NMI: variants seen among roughly 807,000 people sequenced by gnomAD.
NMI encodes the protein N-myc and STAT interactor, also known as N-myc-interactor.
NMI carries 39 observed loss-of-function variants against 34.3 expected under a neutral mutation model. That is an observed-to-expected ratio of 1.14 (90% CI 0.88 to 1.49). NMI has a LOEUF of 1.49. Among genes scored for constraint, NMI ranks in the 40% most tolerant of loss-of-function variants. The pLI is 0.00. For synonymous variants in NMI, 113 were observed against 120.3 expected, an observed-to-expected ratio of 0.94 and a Z score of 0.40; for missense variants, 339 against 358.1, an observed-to-expected ratio of 0.95 and a Z score of 0.43.
chr2:151,276,613 T>G (rs1365190872), intron 4 of NMI, among the ~76,000 whole-genome samples: 1 of 152,194 alleles, frequency 6.6e-6, no homozygotes, highest in Admixed American at 6.5e-5. Flanking sequence ...CTGGGAAAAC[T>G]TTCATGGCTA....
At chr2:151,270,935 A>T in intron 7 of NMI, 60 bp from the exon 8 acceptor site, 1 of 1,244,452 alleles carries the variant, frequency 8.0e-7, no homozygotes, top group Non-Finnish European at 1.1e-6. Flanking sequence ...ACAAAACTTT[A>T]CATTCATAAT....
chr2:151,272,622 T>C (rs1487454602), intron 6 of NMI, among the ~76,000 whole-genome samples: 1 of 152,154 alleles, frequency 6.6e-6, no homozygotes, highest in Non-Finnish European at 1.5e-5. Context: ...TACTTGCTCG[T>C]TAATGCTCAG....
rs111342139 is a variant in NMI at position 151,273,105 on chromosome 2, T to G, written c.635-1373A>C. Among the ~76,000 whole-genome samples the G allele has an allele frequency of 2.6e-3, 354 of 134,390 alleles. 1 individual carries two copies. The highest frequency in any genetic ancestry group is 8.6e-3 in the African/African-American group (334 of 38,812). 88.2% of individuals were successfully genotyped at this position (134,390 alleles called of 152,430 possible). On this transcript the variant is annotated intron_variant, in intron 6 of 7. Coordinates refer to ENST00000243346, the MANE Select transcript of NMI (RefSeq NM_004688.3). Reference sequence around the variant, plus strand: ...TGGTAAATTTTATGTTATATATATTTTATCACAGTTAAAAAAAAAAAAAAG... The same window carrying G: ...TGGTAAATTTTATGTTATATATATTGTATCACAGTTAAAAAAAAAAAAAAG...
intron 1 of NMI, among the ~76,000 whole-genome samples, chr2:151,286,622 C>T (rs532402029): frequency 2.0e-5 from 1 of 49,142 alleles, no homozygotes; most frequent in Non-Finnish European, 5.0e-5. Flanking sequence ...AGAACAATTA[C>T]CTCTAGTCCC....
At chr2:151,288,580 TGTGTGTGC>T (rs1470139448) in intron 1 of NMI, among the ~76,000 whole-genome samples, 252 of 150,984 alleles carry the variant, frequency 1.7e-3, no homozygotes, top group African/African-American at 5.8e-3. Context: ...TGTGTGTGTG[TGTGTGTGC>T]GCGCGCGCGC....
chr2:151,277,445 T>C (rs769971996), intron 4 of NMI: 3 of 152,202 alleles, frequency 2.0e-5, no homozygotes, highest in Non-Finnish European at 2.9e-5. Flanking sequence ...TCCTACTTAA[T>C]TGTGTTTCAA....
chr2:151,280,186 A>C (rs1683363070), intron 3 of NMI, among the ~76,000 whole-genome samples: 1 of 147,602 alleles, frequency 6.8e-6, no homozygotes, highest in Admixed American at 7.0e-5. Context: ...CAAGAACAAA[A>C]CTCTGTTTCA....
chr2:151,289,444 G>T (rs892017051), intron 1 of NMI, 149 bp downstream of exon 1: 4 of 152,258 alleles, frequency 2.6e-5, no homozygotes, highest in Admixed American at 2.6e-4. Context: ...ACTCGGCTGC[G>T]GGCAGCTCCC....
rs1166662681 is a variant in NMI at position 151,288,595 on chromosome 2, G to A, written c.-7+998C>T. Among the ~76,000 whole-genome samples the A allele has an allele frequency of 3.3e-5, 5 of 152,200 alleles. No homozygotes were observed. In the East Asian group the frequency reaches 5.8e-4, roughly 18 times the overall value. On this transcript the variant is annotated intron_variant, in intron 1 of 7. Transcript: ENST00000243346. ...TGTGTGTGTGTGTGTGTGCGCGCGC[G>A]CGCGCGTTCCTATGTGTTTAAGCCA...
At chr2:151,282,517 T>G (rs1201519426) in intron 2 of NMI, among the ~76,000 whole-genome samples, 1 of 152,208 alleles carries the variant, frequency 6.6e-6, no homozygotes, top group Non-Finnish European at 1.5e-5. Context: ...GTTACCTTAA[T>G]GAGCCAGACA....
chr2:151,272,490 T>C (rs538187986), intron 6 of NMI, among the ~76,000 whole-genome samples: 5 of 152,296 alleles, frequency 3.3e-5, no homozygotes, highest in Admixed American at 6.5e-5. Context: ...TGTAAAATGG[T>C]ACAGCCACTG....
rs755429257 is a variant in NMI at position 151,275,755 on chromosome 2, T to C, written c.447+3A>G. The C allele has an allele frequency of 6.2e-7, 1 of 1,611,866 alleles. No individual in the cohort carries two copies. Reference sequence around the variant, plus strand: ...ATCCAAAAAATTTTAATCATCCTGTTACCTGGAATCTGACTCCTGAATTTA... The same window carrying C: ...ATCCAAAAAATTTTAATCATCCTGTCACCTGGAATCTGACTCCTGAATTTA... On this transcript the variant is annotated splice_donor_region_variant and intron_variant, in intron 5 of 7. Coordinates refer to ENST00000243346, the MANE Select transcript of NMI (RefSeq NM_004688.3).
intron 3 of NMI, among the ~76,000 whole-genome samples, chr2:151,280,173 C>T (rs966463918): frequency 2.2e-5 from 2 of 89,020 alleles, no homozygotes; most frequent in African/African-American, 4.8e-5. Flanking sequence ...CCAGCCTGGG[C>T]AACAAGAACA....
In NMI at chr2:151,275,874, A is replaced by ACTTCCTTCCTGAATT; in HGVS notation, c.341-11_341-10insAATTCAGGAAGGAAG. ...ACCACATTTTGAGCAACTGAAAAAT[A>ACTTCCTTCCTGAATT]ATTCAGGAAGGAAGTATTAATTTCC... On this transcript the variant is annotated splice_polypyrimidine_tract_variant and intron_variant, in intron 4 of 7. Coordinates refer to ENST00000243346, the MANE Select transcript of NMI (RefSeq NM_004688.3). The ACTTCCTTCCTGAATT allele has an allele frequency of 6.7e-7, 1 of 1,491,890 alleles. No homozygotes were observed. The highest frequency in any genetic ancestry group is 9.2e-7 in the Non-Finnish European group (1 of 1,086,744). 92.4% of individuals were successfully genotyped at this position (1,491,890 alleles called of 1,614,324 possible). A position where few individuals can be genotyped will look rare whatever the true frequency, so the allele number is the denominator to read the frequency against.
At position 151,281,987 on chromosome 2, in the gene NMI, CT is replaced by C; in HGVS notation, c.137del (p.Lys46SerfsTer24). 4 of 1,563,856 alleles carry C rather than the reference CT, an allele frequency of 2.6e-6. No individual in the cohort carries two copies. Among genetic ancestry groups the C allele is most frequent in the Non-Finnish European group, 3.5e-6 (4 of 1,137,552 alleles). On this transcript the variant is annotated frameshift_variant, in exon 3 of 8. Coordinates refer to ENST00000243346, the MANE Select transcript of NMI (RefSeq NM_004688.3). LOFTEE classifies it high-confidence loss of function. ...KNIQLKKEIQ[K>X]LETELQEATK... ...TAGCCTCTTGTAACTCCGTTTCAAG[CT>C]TTTGGATCTCCTTCTTTAGTTGAAT...
rs770159539 is a variant in NMI, at chr2:151,281,978, C to A, written c.147G>T (p.Thr49=). ...ATTCTTTGGTAGCCTCTTGTAACTC[C>A]GTTTCAAGCTTTTGGATCTCCTTCT... is the stretch of plus-strand genomic sequence containing the variant. ...QLKKEIQKLE[T]ELQEATKEFQ... is the part of the protein sequence containing the mutation. Residue 49 remains threonine (T), a synonymous_variant, in exon 3 of 8, where the codon ACG becomes ACT. Coordinates refer to ENST00000243346, the MANE Select transcript of NMI (RefSeq NM_004688.3). 4.5e-6 allele frequency: 7 copies of A among 1,558,080 alleles called. No individual in the cohort carries two copies. The highest frequency in any genetic ancestry group is 4.5e-5 in the East Asian group (2 of 44,524).
chr2:151,285,453 T>C (rs1184084003), intron 1 of NMI, among the ~76,000 whole-genome samples: 1 of 151,892 alleles, frequency 6.6e-6, no homozygotes, highest in Non-Finnish European at 1.5e-5. Context: ...CCAGGCATGG[T>C]GGCATGCACC....
Position 151,282,100 on chromosome 2 carries a change from G to A in NMI, c.82-57C>T, listed in dbSNP as rs1465576230. 6.1e-5 allele frequency: 47 copies of A among 764,388 alleles called. 1 individual carries two copies. Among genetic ancestry groups the A allele is most frequent in the South Asian group, 3.2e-4 (20 of 62,514 alleles). The allele number at this position is 764,388 out of a possible 1,614,324, so 47.4% of individuals were successfully genotyped here. A position where few individuals can be genotyped will look rare whatever the true frequency, so the allele number is the denominator to read the frequency against. The stretch of plus-strand genomic sequence containing the variant: ...AAATAGCCCCTGAACTCATTTTTCC[G>A]AATGAACTAAAGACTATAAATTTCT... On this transcript the variant is annotated intron_variant, in intron 2 of 7. Coordinates refer to ENST00000243346, the MANE Select transcript of NMI (RefSeq NM_004688.3).
At chr2:151,284,011 A>G (rs1683451367) in intron 1 of NMI, among the ~76,000 whole-genome samples, 1 of 149,482 alleles carries the variant, frequency 6.7e-6, no homozygotes. Context: ...ATTGATATAT[A>G]TCACTATATC....
Sources: allele counts gnomAD v4.1 joint callset (sites outside exome capture counted in the v4.1 genomes callset), GRCh38; gene constraint gnomAD v4.1.1; transcripts MANE v1.5; gene names NCBI Gene and HGNC (gene_info 2026-07-23, HGNC 2026-07-21).